The following B3GALT1 variants were observed in gnomAD, a reference collection of about 807,000 sequenced individuals.
B3GALT1 encodes the protein beta-1,3-galactosyltransferase 1.
B3GALT1 carries 10 observed loss-of-function variants against 23.2 expected under a neutral mutation model. That is an observed-to-expected ratio of 0.43 (90% CI 0.27 to 0.73). B3GALT1 has a LOEUF of 0.73. Among genes scored for constraint, B3GALT1 ranks in the 30% least tolerant of loss-of-function variants. The pLI is 0.21. For missense variants in B3GALT1, 299 were observed against 405.4 expected (o/e 0.74, Z 2.25); for synonymous variants, 156 against 141.5 (o/e 1.10, Z -0.73).
intron 2 of B3GALT1, among the ~76,000 whole-genome samples, chr2:167,614,600 G>A (rs1415315707): frequency 6.6e-6 from 1 of 151,998 alleles, no homozygotes. Flanking sequence ...TAAGATAAAT[G>A]CAAGTAGGCT....
chr2:167,323,672 A>G (rs1003834963), intron 1 of B3GALT1, among the ~76,000 whole-genome samples: 9 of 152,196 alleles, frequency 5.9e-5, no homozygotes, highest in African/African-American at 1.9e-4. Flanking sequence ...TGACATTTCA[A>G]GCACTGAGAA....
chr2:167,829,674 TCTC>T (rs1490271001), intron 4 of B3GALT1, among the ~76,000 whole-genome samples: 3 of 152,154 alleles, frequency 2.0e-5, no homozygotes, highest in Admixed American at 6.5e-5. Flanking sequence ...CCTTTCCTTC[TCTC>T]CTCCTTTGTT....
intron 1 of B3GALT1, among the ~76,000 whole-genome samples, chr2:167,332,323 A>G (rs1483623828): frequency 1.3e-5 from 2 of 152,212 alleles, no homozygotes; most frequent in Non-Finnish European, 2.9e-5. Flanking sequence ...TTTTTACCTA[A>G]TAAATGTAAC....
chr2:167,659,419 G>C (rs893447577), intron 3 of B3GALT1, among the ~76,000 whole-genome samples: 1 of 152,006 alleles, frequency 6.6e-6, no homozygotes, highest in African/African-American at 2.4e-5. Context: ...CTTCAATACT[G>C]AAATCTTACT....
At chr2:167,368,900 C>A (rs981775868) in intron 1 of B3GALT1, among the ~76,000 whole-genome samples, 3 of 152,020 alleles carry the variant, frequency 2.0e-5, no homozygotes, top group Admixed American at 6.6e-5. Flanking sequence ...TTCCCCCCCC[C>A]ATGTGAGTAT....
chr2:167,788,045 AGTG>A (rs1389300885), intron 3 of B3GALT1, among the ~76,000 whole-genome samples: 2 of 152,206 alleles, frequency 1.3e-5, no homozygotes, highest in Non-Finnish European at 2.9e-5. Flanking sequence ...TGGAGCCAGA[AGTG>A]GCACAGAGAG....
intron 1 of B3GALT1, among the ~76,000 whole-genome samples, chr2:167,321,396 T>C (rs1696807856): frequency 6.6e-6 from 1 of 152,122 alleles, no homozygotes; most frequent in African/African-American, 2.4e-5. Context: ...GGAAGCTAAA[T>C]ATTTGCTATA....
At chr2:167,614,488 G>A (rs2105434443) in intron 2 of B3GALT1, among the ~76,000 whole-genome samples, 1 of 151,946 alleles carries the variant, frequency 6.6e-6, no homozygotes. Flanking sequence ...GAACATCTTA[G>A]TAGAATTTTG....
At chr2:167,605,547 T>C (rs1684948636) in intron 2 of B3GALT1, among the ~76,000 whole-genome samples, 9 of 152,170 alleles carry the variant, frequency 5.9e-5, no homozygotes, top group Admixed American at 5.9e-4. Flanking sequence ...GGGTTTCACA[T>C]GGCTTGATGG....
intron 3 of B3GALT1, among the ~76,000 whole-genome samples, chr2:167,666,848 G>A (rs1226725734): frequency 2.0e-5 from 3 of 152,120 alleles, no homozygotes; most frequent in Non-Finnish European, 4.4e-5. Context: ...GTGTGTCTCT[G>A]CCTGTGAGAT....
At chr2:167,577,489 G>A (rs974937186) in intron 2 of B3GALT1, among the ~76,000 whole-genome samples, 8 of 151,832 alleles carry the variant, frequency 5.3e-5, no homozygotes, top group Admixed American at 3.9e-4. Flanking sequence ...TTTGGATAGA[G>A]TAGCAGAATG....
At chr2:167,609,393 C>T (rs1362214850) in intron 2 of B3GALT1, among the ~76,000 whole-genome samples, 2 of 151,982 alleles carry the variant, frequency 1.3e-5, no homozygotes, top group African/African-American at 4.8e-5. Context: ...ATAGAAAAGC[C>T]AACTTAAGCT....
intron 3 of B3GALT1, among the ~76,000 whole-genome samples, chr2:167,667,566 T>G (rs1397756017): frequency 6.6e-6 from 1 of 152,212 alleles, no homozygotes; most frequent in Non-Finnish European, 1.5e-5. Flanking sequence ...GGTTCCATTC[T>G]TCCCGTCACT....
At chr2:167,722,085 G>T (rs1687244813) in intron 3 of B3GALT1, among the ~76,000 whole-genome samples, 1 of 152,142 alleles carries the variant, frequency 6.6e-6, no homozygotes, top group Non-Finnish European at 1.5e-5. Context: ...GTGTAAAGAG[G>T]ATAAAGGAGT....
chr2:167,718,957 T>C (rs1447324601), intron 3 of B3GALT1, among the ~76,000 whole-genome samples: 4 of 152,224 alleles, frequency 2.6e-5, no homozygotes, highest in Non-Finnish European at 5.9e-5. Flanking sequence ...TCTGGAATGC[T>C]GTTAATAGGT....
chr2:167,685,297 T>C (rs1357269540), intron 3 of B3GALT1, among the ~76,000 whole-genome samples: 1 of 152,218 alleles, frequency 6.6e-6, no homozygotes, highest in African/African-American at 2.4e-5. Flanking sequence ...TCTTGCAATG[T>C]TGCCCAGGCT....
In B3GALT1 at chr2:167,803,117, CA is replaced by C. The variant is rs879322457; in HGVS notation, c.-351-15554del. ...ACACACACACACACACACACACACA[CA>C]CACCCCTTGGTTGGGCTGGGGAATG... On this transcript the variant is annotated intron_variant, in intron 3 of 4. Transcript: ENST00000392690. Among the ~76,000 whole-genome samples the C allele has an allele frequency of 2.3e-3, 334 of 147,936 alleles. 1 individual carries two copies. Among genetic ancestry groups the C allele is most frequent in the African/African-American group, 7.5e-3 (303 of 40,578 alleles).
intron 2 of B3GALT1, among the ~76,000 whole-genome samples, chr2:167,524,435 C>G (rs943040362): frequency 3.9e-5 from 6 of 152,112 alleles, no homozygotes; most frequent in Admixed American, 3.9e-4. Flanking sequence ...TTCCCAATGG[C>G]TATAAACTGC....
At chr2:167,340,398 A>G (rs1697129550) in intron 1 of B3GALT1, among the ~76,000 whole-genome samples, 1 of 152,132 alleles carries the variant, frequency 6.6e-6, no homozygotes, top group Non-Finnish European at 1.5e-5. Flanking sequence ...GGGACCTCTA[A>G]AGAACATGCA....
Sources: gnomAD v4.1 joint callset for allele counts (sites outside exome capture counted in the v4.1 genomes callset) on GRCh38, gnomAD v4.1.1 for gene constraint, MANE v1.5 for transcripts, NCBI Gene and HGNC (gene_info 2026-07-23, HGNC 2026-07-21) for gene names.